The following PIK3C2G variants were observed in gnomAD, a reference collection of about 807,000 sequenced individuals.
PIK3C2G encodes phosphatidylinositol 3-kinase C2 domain-containing subunit gamma.
Under a neutral mutation model 181.1 loss-of-function variants are expected in PIK3C2G, and 168 were observed. That is an observed-to-expected ratio of 0.93 (90% CI 0.82 to 1.05). The LOEUF (loss-of-function observed/expected upper bound fraction) is 1.05, where lower values mean the gene tolerates loss of function less well. PIK3C2G is among the 50% of genes least tolerant of loss of function. The probability of loss-of-function intolerance (pLI) is 0.00; values close to 1 mark genes in which losing one functional copy is unlikely to be tolerated. For missense variants in PIK3C2G, 1,869 were observed against 1,732.8 expected (o/e 1.08, Z -1.40); for synonymous variants, 573 against 592.2 (o/e 0.97, Z 0.47).
the PIK3C2G span, among the ~76,000 whole-genome samples, chr12:18,667,400 C>T: frequency 1.3e-5 from 2 of 152,110 alleles, no homozygotes; most frequent in Non-Finnish European, 2.9e-5. Flanking sequence ...TCAAGATTAC[C>T]TGTATCTATC....
At chr12:18,414,198 T>C (rs917751566) in intron 16 of PIK3C2G, among the ~76,000 whole-genome samples, 1 of 152,184 alleles carries the variant, frequency 6.6e-6, no homozygotes, top group South Asian at 2.1e-4. Context: ...GATTTGAAGC[T>C]TTTTTCTAGT....
At position 18,375,864 on chromosome 12, in the gene PIK3C2G, G is replaced by T. The variant is rs573805067; in HGVS notation, c.1880+4553G>T. ...TTCAGACCAAAGGGGCGCAGGTACC[G>T]CTTGGGCCACCACTTTGTAAGGTGC... is the stretch of plus-strand genomic sequence containing the variant. On this transcript the variant is annotated intron_variant, in intron 13 of 32. Transcript: ENST00000538779. Among the ~76,000 whole-genome samples, 280 of 152,320 alleles carry T rather than the reference G, an allele frequency of 1.8e-3. 1 individual carries two copies. The highest frequency in any genetic ancestry group is 3.2e-3 in the Non-Finnish European group (220 of 68,030).
Position 18,282,055 on chromosome 12 carries a change from A to C in PIK3C2G, c.-27A>C. Reference sequence around the variant, plus strand: ...TCAAGGAGATATTTGGAGCAGAGTCAACCCTCTCAGTTACATAAAATAAAA... The same window carrying C: ...TCAAGGAGATATTTGGAGCAGAGTCCACCCTCTCAGTTACATAAAATAAAA... On this transcript the variant is annotated 5_prime_UTR_variant, in exon 2 of 33. Transcript: ENST00000538779. The C allele has an allele frequency of 1.5e-6, 2 of 1,370,086 alleles. No homozygotes were observed. The highest frequency in any genetic ancestry group is 2.0e-6 in the Non-Finnish European group (2 of 985,628). The allele number at this position is 1,370,086 out of a possible 1,614,324, so 84.9% of individuals were successfully genotyped here. A position where few individuals can be genotyped will look rare whatever the true frequency, so the allele number is the denominator to read the frequency against.
chr12:18,648,871 A>AT (rs1297415276), downstream of PIK3C2G, among the ~76,000 whole-genome samples: 1 of 152,092 alleles, frequency 6.6e-6, no homozygotes, highest in African/African-American at 2.4e-5. Flanking sequence ...AATCAAAAAA[A>AT]TTTTTTAATC....
chr12:18,308,679 A>G (rs1950519008), intron 5 of PIK3C2G, among the ~76,000 whole-genome samples: 1 of 151,584 alleles, frequency 6.6e-6, no homozygotes, highest in South Asian at 2.1e-4. Context: ...TAAACTCACA[A>G]ATTGTTGAGT....
intron 5 of PIK3C2G, among the ~76,000 whole-genome samples, chr12:18,295,825 T>C (rs1048364105): frequency 2.6e-5 from 4 of 152,038 alleles, no homozygotes; most frequent in Non-Finnish European, 4.4e-5. Flanking sequence ...GAATATTTAC[T>C]ACTGTTCTAG....
chr12:18,699,797 G>A, the PIK3C2G span: 58 of 1,612,608 alleles, frequency 3.6e-5, no homozygotes, highest in Non-Finnish European at 4.7e-5. Flanking sequence ...AATTTACCTC[G>A]CAATTTTGAA....
intron 29 of PIK3C2G, among the ~76,000 whole-genome samples, chr12:18,591,622 GAGA>G (rs1947084822): frequency 6.6e-6 from 1 of 151,928 alleles, no homozygotes; most frequent in Admixed American, 6.6e-5. Context: ...GAAAGGGTGA[GAGA>G]AGAACATAGG....
intron 31 of PIK3C2G, among the ~76,000 whole-genome samples, chr12:18,630,207 A>T (rs1949291128): frequency 6.6e-6 from 1 of 152,150 alleles, no homozygotes; most frequent in Admixed American, 6.5e-5. Context: ...CCTGGCCAAC[A>T]TGGTGAAACC....
chr12:18,441,484 G>A (rs1043230962), intron 18 of PIK3C2G, among the ~76,000 whole-genome samples: 1 of 152,200 alleles, frequency 6.6e-6, no homozygotes, highest in Admixed American at 6.5e-5. Flanking sequence ...TGAGACGGAA[G>A]AAAGAATTTC....
chr12:18,322,523 A>G (rs1473337332), intron 7 of PIK3C2G, among the ~76,000 whole-genome samples: 6 of 152,092 alleles, frequency 3.9e-5, no homozygotes, highest in African/African-American at 1.4e-4. Context: ...TACATATATT[A>G]TCTCATCTAA....
chr12:18,556,737 AAAT>A (rs1945034176), intron 26 of PIK3C2G, among the ~76,000 whole-genome samples: 1 of 152,156 alleles, frequency 6.6e-6, no homozygotes, highest in Non-Finnish European at 1.5e-5. Context: ...GCTGATGAAG[AAAT>A]AATGTTTTGT....
chr12:18,542,944 T>A (rs1944240118), intron 25 of PIK3C2G, among the ~76,000 whole-genome samples: 1 of 152,030 alleles, frequency 6.6e-6, no homozygotes, highest in Non-Finnish European at 1.5e-5. Flanking sequence ...GTTCTGCTTT[T>A]AGCTCTTTGA....
Position 18,640,422 on chromosome 12 carries a change from TTTGCAG to T in PIK3C2G, c.4183-6_4183-1del, listed in dbSNP as rs1234511266. ...GCATTAATATTTATAACCATTTTCCTTTGCAGCATCTCCCAGATGGCTCTGCGCCCA... is the reference window on the plus strand; with the variant it reads ...GCATTAATATTTATAACCATTTTCCTCATCTCCCAGATGGCTCTGCGCCCA... On this transcript the variant is annotated splice_acceptor_variant and splice_polypyrimidine_tract_variant and intron_variant, in intron 31 of 32. Coordinates refer to ENST00000538779, the MANE Select transcript of PIK3C2G (RefSeq NM_001288772.2). LOFTEE classifies it high-confidence loss of function. The T allele has an allele frequency of 1.2e-6, 2 of 1,606,284 alleles. No homozygotes were observed. Among genetic ancestry groups the T allele is most frequent in the African/African-American group, 2.7e-5 (2 of 74,810 alleles).
chr12:18,256,845 C>CCAAGTCATGTTTCATTTAAGATTAGATGT (rs1948150777), upstream of PIK3C2G, among the ~76,000 whole-genome samples: 3 of 151,950 alleles, frequency 2.0e-5, no homozygotes, highest in Non-Finnish European at 4.4e-5. Context: ...CTTCTAGTAA[C>CCAAGTCATGTTTCATTTAAGATTAGATGT]CAAGTCATGT....
chr12:18,416,808 G>A (rs1187540384), intron 16 of PIK3C2G, among the ~76,000 whole-genome samples: 1 of 152,166 alleles, frequency 6.6e-6, no homozygotes, highest in East Asian at 1.9e-4. Flanking sequence ...TGTATAGGGA[G>A]GTTAATGTTG....
At chr12:18,304,845 T>C (rs1176730747) in intron 5 of PIK3C2G, among the ~76,000 whole-genome samples, 1 of 152,184 alleles carries the variant, frequency 6.6e-6, no homozygotes, top group African/African-American at 2.4e-5. Flanking sequence ...ATATTAAAAT[T>C]CCTTCCAACT....
intron 24 of PIK3C2G, among the ~76,000 whole-genome samples, chr12:18,510,519 AT>A (rs1942135808): frequency 6.6e-6 from 1 of 152,118 alleles, no homozygotes; most frequent in South Asian, 2.1e-4. Flanking sequence ...CTAGCTCTTT[AT>A]TTCATACTTT....
At chr12:18,393,541 ACTT>A (rs1057019546) in intron 15 of PIK3C2G, among the ~76,000 whole-genome samples, 2 of 152,076 alleles carry the variant, frequency 1.3e-5, no homozygotes, top group Non-Finnish European at 2.9e-5. Flanking sequence ...TGAAAAAAAA[ACTT>A]CTTGATGTCA....
Sources: gnomAD v4.1 joint callset for allele counts (sites outside exome capture counted in the v4.1 genomes callset) on GRCh38, gnomAD v4.1.1 for gene constraint, MANE v1.5 for transcripts, NCBI Gene and HGNC (gene_info 2026-07-23, HGNC 2026-07-21) for gene names.